MCF2L2: variants seen among roughly 807,000 people sequenced by gnomAD.
The protein encoded by MCF2L2 is probable guanine nucleotide exchange factor MCF2L2.
Under a neutral mutation model 150.2 loss-of-function variants are expected in MCF2L2, and 102 were observed. The ratio of observed to expected loss-of-function variants is 0.68; its 90% CI spans 0.58 to 0.80. MCF2L2 has a LOEUF of 0.80. Ranked by LOEUF, MCF2L2 falls within the 30% of genes least tolerant of loss-of-function variation. The pLI is 0.00. For missense variants in MCF2L2, 1,256 were observed against 1,372.8 expected (o/e 0.91, Z 1.34); for synonymous variants, 465 against 491.3 (o/e 0.95, Z 0.71).
rs1437680869 is a variant in MCF2L2 at position 183,228,437 on chromosome 3, A to G, written c.2046-71T>C. ...TGTAGGTAATTAATTTTTTAAGTAC[A>G]ATCACATAAGGTTTCAAGAGGTGCC... On this transcript the variant is annotated intron_variant, in intron 17 of 29. Transcript: ENST00000328913. The G allele has an allele frequency of 2.8e-6, 3 of 1,071,480 alleles. No homozygotes were observed. The African/African-American group carries it at 4.7e-5, about 17-fold the overall frequency. 66.4% of individuals were successfully genotyped at this position (1,071,480 alleles called of 1,614,324 possible).
intron 5 of MCF2L2, among the ~76,000 whole-genome samples, chr3:183,332,108 A>C (rs768681923): frequency 6.6e-6 from 1 of 152,218 alleles, no homozygotes; most frequent in Non-Finnish European, 1.5e-5. Flanking sequence ...TGCTAATATC[A>C]CAACACGTTT....
chr3:183,379,275 CAGGA>C lies in MCF2L2; in HGVS notation c.275+18_275+21del, dbSNP rs1291793963. 6.4e-7 allele frequency: 1 copy of C among 1,562,716 alleles called. No homozygotes were observed. The highest frequency in any genetic ancestry group is 8.7e-7 in the Non-Finnish European group (1 of 1,146,250). On this transcript the variant is annotated intron_variant, in intron 3 of 29. Transcript: ENST00000328913. ...GGAATAAAGCCAGTGCCTAAGGCGG[CAGGA>C]CACTGTGCTCAGCTCACCTGGGGAT...
chr3:183,187,239 C>T (rs1383249975), intron 27 of MCF2L2, among the ~76,000 whole-genome samples: 1 of 152,126 alleles, frequency 6.6e-6, no homozygotes, highest in Non-Finnish European at 1.5e-5. Context: ...CGGATAGCTC[C>T]TAGGCCCCCT....
intron 10 of MCF2L2, 35 bp from the exon 11 acceptor site, chr3:183,300,231 G>A: frequency 1.3e-6 from 2 of 1,561,462 alleles, no homozygotes; most frequent in African/African-American, 2.8e-5. Context: ...GGCGTCAGAA[G>A]TCAGAGCATC....
At chr3:183,275,662 G>C (rs1024884117) in intron 15 of MCF2L2, among the ~76,000 whole-genome samples, 4 of 152,076 alleles carry the variant, frequency 2.6e-5, no homozygotes, top group African/African-American at 4.8e-5. Flanking sequence ...AGGCTGCAGT[G>C]CAGCTGTGTG....
At chr3:183,243,827 T>C (rs1724134784) in intron 15 of MCF2L2, among the ~76,000 whole-genome samples, 1 of 152,176 alleles carries the variant, frequency 6.6e-6, no homozygotes, top group African/African-American at 2.4e-5. Flanking sequence ...CTAATCATAT[T>C]AAGCAACCAA....
At chr3:183,389,629 G>C in intron 2 of MCF2L2, 67 bp downstream of exon 2, 6 of 1,342,696 alleles carry the variant, frequency 4.5e-6, no homozygotes, top group Non-Finnish European at 5.4e-6. Flanking sequence ...CAAGGTTCAA[G>C]AGGCTGGACC....
intron 5 of MCF2L2, among the ~76,000 whole-genome samples, chr3:183,332,134 T>C (rs529256067): frequency 6.6e-6 from 1 of 152,300 alleles, no homozygotes; most frequent in Admixed American, 6.5e-5. Flanking sequence ...ATAAAGAAGA[T>C]AAACTGACAG....
intron 13 of MCF2L2, among the ~76,000 whole-genome samples, chr3:183,293,051 T>C (rs929167161): frequency 1.3e-5 from 2 of 151,980 alleles, no homozygotes; most frequent in Non-Finnish European, 2.9e-5. Flanking sequence ...ATCTAATCAC[T>C]CCAATTACAA....
At chr3:183,379,201 T>A (rs1455689081) in intron 3 of MCF2L2, 96 bp downstream of exon 3, 3 of 815,240 alleles carry the variant, frequency 3.7e-6, no homozygotes, top group Non-Finnish European at 5.7e-6. Context: ...GGGTACACCA[T>A]GCTCATGGAA....
chr3:183,233,184 C>A (rs1280560515), intron 15 of MCF2L2, among the ~76,000 whole-genome samples: 1 of 151,962 alleles, frequency 6.6e-6, no homozygotes, highest in African/African-American at 2.4e-5. Context: ...AACCCTGTGT[C>A]TACTAAAAAT....
intron 10 of MCF2L2, among the ~76,000 whole-genome samples, chr3:183,302,764 G>A (rs115487819): frequency 6.6e-6 from 1 of 152,188 alleles, no homozygotes; most frequent in African/African-American, 2.4e-5. Context: ...TCCTCACAGC[G>A]CTTCCCTGGC....
chr3:183,357,633 G>A (rs558852831), intron 3 of MCF2L2, among the ~76,000 whole-genome samples: 13 of 152,170 alleles, frequency 8.5e-5, no homozygotes, highest in East Asian at 1.9e-4. Context: ...AAGACTGTCC[G>A]GCCCTGTTCA....
At chr3:183,349,090 A>G (rs919508419) in intron 3 of MCF2L2, among the ~76,000 whole-genome samples, 4 of 152,240 alleles carry the variant, frequency 2.6e-5, no homozygotes, top group African/African-American at 9.6e-5. Flanking sequence ...AGCAAGTATC[A>G]ACAAATTTTA....
intron 3 of MCF2L2, among the ~76,000 whole-genome samples, chr3:183,355,393 G>C (rs967983287): frequency 2.6e-5 from 4 of 151,590 alleles, no homozygotes; most frequent in Non-Finnish European, 5.9e-5. Context: ...AGTAGAGGGG[G>C]GCAGAAAGCA....
At chr3:183,391,045 T>C (rs1560053917) in intron 1 of MCF2L2, among the ~76,000 whole-genome samples, 1 of 152,212 alleles carries the variant, frequency 6.6e-6, no homozygotes, top group African/African-American at 2.4e-5. Context: ...TGATTCATTA[T>C]GGGGTCATGG....
chr3:183,189,449 C>T (rs936049618), intron 27 of MCF2L2, among the ~76,000 whole-genome samples: 1 of 152,172 alleles, frequency 6.6e-6, no homozygotes, highest in African/African-American at 2.4e-5. Context: ...CAAACATTGC[C>T]TTGTATGCCT....
chr3:183,401,767 A>C (rs776777003), intron 1 of MCF2L2, among the ~76,000 whole-genome samples: 8 of 152,228 alleles, frequency 5.3e-5, no homozygotes, highest in Non-Finnish European at 1.0e-4. Flanking sequence ...TCAGTAGTTC[A>C]TTCATTTTCA....
chr3:183,402,973 G>A (rs1714851576), intron 1 of MCF2L2, among the ~76,000 whole-genome samples: 1 of 151,844 alleles, frequency 6.6e-6, no homozygotes, highest in African/African-American at 2.4e-5. Context: ...CTTTACTTGA[G>A]GAAGGATATA....
Sources: allele counts gnomAD v4.1 joint callset (sites outside exome capture counted in the v4.1 genomes callset), GRCh38; gene constraint gnomAD v4.1.1; transcripts MANE v1.5; gene names NCBI Gene and HGNC (gene_info 2026-07-23, HGNC 2026-07-21).